Variants in ALPK2 observed in about 807,000 individuals in gnomAD.
ALPK2 encodes alpha-protein kinase 2.
ALPK2 carries 127 observed loss-of-function variants against 163.1 expected under a neutral mutation model. The observed-to-expected ratio is 0.78, with a 90% CI of 0.67 to 0.90. The LOEUF (loss-of-function observed/expected upper bound fraction) is 0.90, where lower values mean the gene tolerates loss of function less well. ALPK2 is among the 40% of genes least tolerant of loss of function. ALPK2 has a pLI of 0.00. For missense variants in ALPK2, 2,360 were observed against 2,589.6 expected, an observed-to-expected ratio of 0.91 and a Z score of 1.92; for synonymous variants, 953 against 959.1, an observed-to-expected ratio of 0.99 and a Z score of 0.12.
chr18:58,558,794 A>G (rs1336993497), intron 4 of ALPK2, among the ~76,000 whole-genome samples: 1 of 152,258 alleles, frequency 6.6e-6, no homozygotes, highest in East Asian at 1.9e-4. Flanking sequence ...CCTTGGAAAC[A>G]TTACACTAAA....
chr18:58,571,147 A>G (rs8099605), intron 4 of ALPK2, among the ~76,000 whole-genome samples: 130,992 of 151,974 alleles, frequency 0.86, 56,961 homozygotes, highest in East Asian at 1. Flanking sequence ...TCAGCCTCCC[A>G]AGTAGCTGGG....
intron 11 of ALPK2, among the ~76,000 whole-genome samples, chr18:58,499,538 C>A (rs2051420720): frequency 1.3e-5 from 2 of 152,210 alleles, no homozygotes; most frequent in Admixed American, 1.3e-4. Flanking sequence ...ATGCCCTGAC[C>A]ACGCACCAAT....
chr18:58,524,063 C>T lies in ALPK2; in HGVS notation c.5502-1G>A, dbSNP rs757506565. On this transcript the variant is annotated splice_acceptor_variant, in intron 6 of 12. Coordinates refer to ENST00000361673, the MANE Select transcript of ALPK2 (RefSeq NM_052947.4). LOFTEE classifies it high-confidence loss of function. The stretch of plus-strand genomic sequence containing the variant: ...GGAAACAGTGGAGTTGTCCCCTGCA[C>T]TGCAATGAGGAATATTCACATTGAC... The T allele has an allele frequency of 8.7e-6, 14 of 1,611,774 alleles. No individual in the cohort carries two copies. Among genetic ancestry groups the T allele is most frequent in the Non-Finnish European group, 1.2e-5 (14 of 1,178,408 alleles).
At chr18:58,483,920 CT>C (rs1477963117) in intron 12 of ALPK2, among the ~76,000 whole-genome samples, 4 of 152,048 alleles carry the variant, frequency 2.6e-5, no homozygotes, top group African/African-American at 9.7e-5. Context: ...TCACATCCCC[CT>C]GTCATAGACT....
Position 58,529,140 on chromosome 18 carries a change from T to A in ALPK2, c.5452A>T (p.Thr1818Ser). 1 of 1,614,098 alleles carries A rather than the reference T, an allele frequency of 6.2e-7. No homozygotes were observed. The highest frequency in any genetic ancestry group is 8.5e-7 in the Non-Finnish European group (1 of 1,179,956). Reference sequence around the variant, plus strand: ...TTTGAATCTTTTGTCCAGCAGATAGTAGAATCTTCATGAATTTCTGCAAAT... The same window carrying A: ...TTTGAATCTTTTGTCCAGCAGATAGAAGAATCTTCATGAATTTCTGCAAAT... The part of the protein sequence containing the change: ...CQFAEIHEDS[T>S]ICWTKDSKSI... Residue 1818 changes from threonine to serine, a missense_variant, in exon 6 of 13, where the codon ACT becomes TCT. Coordinates refer to ENST00000361673, the MANE Select transcript of ALPK2 (RefSeq NM_052947.4).
chr18:58,513,843 C>T (rs1031933778), intron 10 of ALPK2, among the ~76,000 whole-genome samples: 8 of 152,056 alleles, frequency 5.3e-5, no homozygotes, highest in African/African-American at 1.4e-4. Context: ...TGCCCTCCAG[C>T]CTGGACAACA....
Position 58,535,100 on chromosome 18 carries a change from C to A in ALPK2, c.5087G>T (p.Gly1696Val). 6.2e-7 allele frequency: 1 copy of A among 1,614,118 alleles called. No homozygotes were observed. The highest frequency in any genetic ancestry group is 8.5e-7 in the Non-Finnish European group (1 of 1,180,014). Reference protein sequence around the residue: ...EREKSLEARAGKSPGTLTAVT... With the variant: ...EREKSLEARAVKSPGTLTAVT... ...TGCTGTGAGGGTCCCTGGCGATTTG[C>A]CTGCTCGGGCTTCCAGGGACTTCTC... The change falls in exon 5 of 13, where the codon GGC (glycine) becomes GTC (valine). Residue 1696 changes from glycine (G) to valine (V), a missense_variant. Transcript: ENST00000361673.
intron 4 of ALPK2, among the ~76,000 whole-genome samples, chr18:58,552,858 G>T (rs2051767096): frequency 6.6e-6 from 1 of 152,178 alleles, no homozygotes; most frequent in Non-Finnish European, 1.5e-5. Context: ...CGCAAAAATA[G>T]GTTCAAGTTC....
At position 58,514,985 on chromosome 18, in the gene ALPK2, A is replaced by G; in HGVS notation, c.6029+8T>C. On this transcript the variant is annotated splice_region_variant and intron_variant, in intron 10 of 12. Coordinates refer to ENST00000361673, the MANE Select transcript of ALPK2 (RefSeq NM_052947.4). ...GAGTGTGACACAAGGCAGGGTAAAC[A>G]CACTTACTCAGGTACTTCTCCAAAG... 6.2e-7 allele frequency: 1 copy of G among 1,608,272 alleles called. No individual in the cohort carries two copies. The highest frequency in any genetic ancestry group is 8.5e-7 in the Non-Finnish European group (1 of 1,176,862).
intron 4 of ALPK2, among the ~76,000 whole-genome samples, chr18:58,564,688 G>C (rs1323731217): frequency 6.6e-6 from 1 of 151,944 alleles, no homozygotes; most frequent in Non-Finnish European, 1.5e-5. Flanking sequence ...CACTGCCTCG[G>C]AAATTAACAG....
At chr18:58,618,024 A>C (rs940496421) in intron 1 of ALPK2, among the ~76,000 whole-genome samples, 50 of 152,186 alleles carry the variant, frequency 3.3e-4, no homozygotes, top group African/African-American at 1.2e-3. Context: ...CAGAGAGAAG[A>C]CTGTTCACAT....
chr18:58,517,721 C>CT (rs949775353), intron 8 of ALPK2, among the ~76,000 whole-genome samples: 5 of 151,056 alleles, frequency 3.3e-5, no homozygotes, highest in South Asian at 2.1e-4. Flanking sequence ...AAAAGAGTAA[C>CT]TTTTTTTTTG....
chr18:58,523,266 A>G (rs1293960497), intron 8 of ALPK2, among the ~76,000 whole-genome samples: 7 of 151,830 alleles, frequency 4.6e-5, no homozygotes, highest in African/African-American at 1.2e-4. Context: ...ATGGTTGCAT[A>G]GTATTCCATG....
At chr18:58,544,025 C>A (rs1373413364) in intron 4 of ALPK2, among the ~76,000 whole-genome samples, 5 of 152,202 alleles carry the variant, frequency 3.3e-5, no homozygotes, top group Non-Finnish European at 5.9e-5. Flanking sequence ...CTCTCAATTT[C>A]TCTACTTCCC....
At chr18:58,488,815 G>A (rs2051354937) in intron 12 of ALPK2, among the ~76,000 whole-genome samples, 1 of 152,040 alleles carries the variant, frequency 6.6e-6, no homozygotes, top group Admixed American at 6.6e-5. Flanking sequence ...AAGCCAGGCT[G>A]GACTTAGGCT....
intron 12 of ALPK2, among the ~76,000 whole-genome samples, chr18:58,484,788 G>A (rs1249122668): frequency 7.0e-6 from 1 of 143,490 alleles, no homozygotes; most frequent in African/African-American, 2.6e-5. Context: ...TAGGGTTGTT[G>A]AGGGGATGAA....
Position 58,580,483 on chromosome 18 carries a change from C to T in ALPK2, c.293G>A (p.Cys98Tyr). 1.2e-6 allele frequency: 2 copies of T among 1,614,152 alleles called. No homozygotes were observed. The highest frequency in any genetic ancestry group is 1.7e-6 in the Non-Finnish European group (2 of 1,180,032). Residue 98 changes from cysteine to tyrosine, a missense_variant, in exon 4 of 13, where the codon TGT becomes TAT. Physicochemically the swap from Cys to Tyr is radical, Grantham distance 194. Transcript: ENST00000361673. ...SAKNSFGMIC[C>Y]SASVEVECSS... ...GCACTCAACCTCAACGGAAGCAGAA[C>T]AACAGATCATTCCAAAAGAGTTTTT... is the stretch of plus-strand genomic sequence containing the variant.
chr18:58,485,619 G>A (rs563328952), intron 12 of ALPK2, among the ~76,000 whole-genome samples: 2 of 152,370 alleles, frequency 1.3e-5, no homozygotes, highest in South Asian at 2.1e-4. Context: ...GTGGGAAATC[G>A]TCTACTGCTA....
intron 12 of ALPK2, among the ~76,000 whole-genome samples, chr18:58,482,422 T>A (rs768597522): frequency 2.2e-4 from 34 of 151,962 alleles, no homozygotes; most frequent in Non-Finnish European, 4.0e-4. Flanking sequence ...ACCGAGAAGT[T>A]CTCAATAAAG....
Sources: allele counts gnomAD v4.1 joint callset (sites outside exome capture counted in the v4.1 genomes callset), GRCh38; gene constraint gnomAD v4.1.1; transcripts MANE v1.5; gene names NCBI Gene and HGNC (gene_info 2026-07-23, HGNC 2026-07-21).